The following ADCY8 variants were observed in gnomAD, a reference collection of about 807,000 sequenced individuals.
ADCY8 encodes the protein adenylate cyclase 8, also known as adenylate cyclase type 8.
Under a neutral mutation model 119.7 loss-of-function variants are expected in ADCY8, and 51 were observed. The observed-to-expected ratio is 0.43, with a 90% CI of 0.34 to 0.54. The LOEUF (loss-of-function observed/expected upper bound fraction) is 0.54, where lower values mean the gene tolerates loss of function less well. Among genes scored for constraint, ADCY8 ranks in the 20% least tolerant of loss-of-function variants. The pLI, the probability that ADCY8 is intolerant of heterozygous loss-of-function variation, is 0.03. For synonymous variants in ADCY8, 665 were observed against 651.0 expected, an observed-to-expected ratio of 1.02 and a Z score of -0.33; for missense variants, 1,383 against 1,598.8, an observed-to-expected ratio of 0.87 and a Z score of 2.30.
intron 5 of ADCY8, among the ~76,000 whole-genome samples, chr8:130,922,538 A>G (rs1820344266): frequency 6.6e-6 from 1 of 152,064 alleles, no homozygotes; most frequent in South Asian, 2.1e-4. Context: ...AAGGTCACAG[A>G]TCAACAGGAT....
chr8:130,864,548 C>T (rs1248507652), intron 9 of ADCY8, among the ~76,000 whole-genome samples: 1 of 152,168 alleles, frequency 6.6e-6, no homozygotes, highest in African/African-American at 2.4e-5. Context: ...TGCCCAACCC[C>T]CATTCACTTT....
chr8:130,993,859 A>C (rs1298514445), intron 1 of ADCY8, among the ~76,000 whole-genome samples: 2 of 152,250 alleles, frequency 1.3e-5, no homozygotes, highest in African/African-American at 2.4e-5. Flanking sequence ...ATTAGATAGT[A>C]GAAATTCTTT....
chr8:130,991,314 C>T (rs575125291), intron 1 of ADCY8, among the ~76,000 whole-genome samples: 1 of 152,188 alleles, frequency 6.6e-6, no homozygotes, highest in Non-Finnish European at 1.5e-5. Context: ...GTAGCTATAA[C>T]TCCAGTAGAA....
intron 14 of ADCY8, among the ~76,000 whole-genome samples, chr8:130,805,938 G>A (rs1054860809): frequency 2.0e-5 from 3 of 152,182 alleles, no homozygotes; most frequent in Non-Finnish European, 2.9e-5. Context: ...TTTAGCACCC[G>A]GGCCCCACAA....
intron 1 of ADCY8, 120 bp downstream of exon 1, chr8:131,039,254 T>C (rs1824268599): frequency 7.2e-7 from 1 of 1,389,750 alleles, no homozygotes; most frequent in South Asian, 1.4e-5. Context: ...TACAAGGCAC[T>C]GTGCCAGACT....
At position 130,972,111 on chromosome 8, in the gene ADCY8, CT is replaced by C. The variant is rs557287593; in HGVS notation, c.1110+18281del. 7.3e-4 allele frequency among the ~76,000 whole-genome samples: 111 copies of C among 152,278 alleles called. 3 individuals carry two copies. In the South Asian group the frequency reaches 0.019, roughly 26 times the overall value. ...CTTGTGTCCTCATACAATCACCACT[CT>C]TACAAGGAGGAGGGAATACATTATT... On this transcript the variant is annotated intron_variant, in intron 2 of 17. Transcript: ENST00000286355.
rs1363304398 is a variant in ADCY8 at position 131,039,643 on chromosome 8, C to G, written c.691G>C (p.Val231Leu). The G allele has an allele frequency of 1.8e-5, 29 of 1,614,136 alleles. No individual in the cohort carries two copies. The highest frequency in any genetic ancestry group is 2.5e-5 in the Non-Finnish European group (29 of 1,180,016). ...GIEVVICALV[V>L]VRKDTTSHTY... ...TGGGAGGTGGTGTCCTTCCTGACCA[C>G]CACCAGGGCGCAGATCACTACCTCA... Residue 231 changes from valine to leucine, a missense_variant, in exon 1 of 18, where the codon GTG becomes CTG. Physicochemically the swap from Val to Leu is conservative, Grantham distance 32. Around this residue, in one of 2 missense-constraint regions of ADCY8, gnomAD observed 455 missense variants for 435.3 expected, o/e 1.05. Coordinates refer to ENST00000286355, the MANE Select transcript of ADCY8 (RefSeq NM_001115.3).
chr8:130,957,345 G>C (rs980745971), intron 2 of ADCY8, among the ~76,000 whole-genome samples: 1 of 152,202 alleles, frequency 6.6e-6, no homozygotes, highest in African/African-American at 2.4e-5. Context: ...TGAGAGAAAT[G>C]ATTTAGGGTA....
intron 6 of ADCY8, among the ~76,000 whole-genome samples, chr8:130,908,445 A>C (rs1819860392): frequency 6.6e-6 from 1 of 152,238 alleles, no homozygotes; most frequent in African/African-American, 2.4e-5. Context: ...CAGCCATGAC[A>C]CACCACATAG....
At chr8:130,913,004 C>T (rs1350587610) in intron 5 of ADCY8, among the ~76,000 whole-genome samples, 1 of 152,138 alleles carries the variant, frequency 6.6e-6, no homozygotes, top group Non-Finnish European at 1.5e-5. Flanking sequence ...ATGCCCACTA[C>T]TATACTATTC....
chr8:130,848,885 G>A lies in ADCY8; in HGVS notation c.2412+717C>T, dbSNP rs796472118. ...CAAATTAAACAGTGATAAATATCAT[G>A]GCAGTTGGAAATTCATCTGAGTTCT... On this transcript the variant is annotated intron_variant, in intron 10 of 17. Transcript: ENST00000286355. Among the ~76,000 whole-genome samples the A allele has an allele frequency of 9.9e-5, 15 of 152,256 alleles. 1 individual carries two copies. Among genetic ancestry groups the A allele is most frequent in the African/African-American group, 3.4e-4 (14 of 41,538 alleles).
At chr8:131,027,553 A>G (rs577267049) in intron 1 of ADCY8, among the ~76,000 whole-genome samples, 1 of 152,256 alleles carries the variant, frequency 6.6e-6, no homozygotes, top group East Asian at 1.9e-4. Flanking sequence ...CAGGATAGAG[A>G]GCTGTGGACA....
chr8:130,854,322 C>T (rs1415716574), intron 9 of ADCY8, among the ~76,000 whole-genome samples: 1 of 152,222 alleles, frequency 6.6e-6, no homozygotes, highest in African/African-American at 2.4e-5. Context: ...AAGCTCTATC[C>T]AAATCATTTC....
chr8:130,866,531 C>G lies in ADCY8; in HGVS notation c.2210+1315G>C, dbSNP rs188166753. Among the ~76,000 whole-genome samples, 612 of 152,268 alleles carry G rather than the reference C, an allele frequency of 4.0e-3. 2 individuals carry two copies. The highest frequency in any genetic ancestry group is 0.014 in the African/African-American group (585 of 41,540). On this transcript the variant is annotated intron_variant, in intron 9 of 17. Coordinates refer to ENST00000286355, the MANE Select transcript of ADCY8 (RefSeq NM_001115.3). ...TTGGCTCTTACATTTAATCACTATT[C>G]TATAAACACAAGGCCTTTCTCACTT...
chr8:131,008,486 A>G (rs1823195249), intron 1 of ADCY8, among the ~76,000 whole-genome samples: 1 of 152,130 alleles, frequency 6.6e-6, no homozygotes, highest in South Asian at 2.1e-4. Flanking sequence ...GAAGTGCCTT[A>G]CACTATAATT....
intron 1 of ADCY8, among the ~76,000 whole-genome samples, chr8:130,997,104 A>G (rs565678362): frequency 3.9e-5 from 6 of 152,196 alleles, no homozygotes; most frequent in South Asian, 2.1e-4. Flanking sequence ...GTAAAATTGC[A>G]TTTAAAATAC....
At chr8:130,935,164 C>T (rs1305936707) in intron 5 of ADCY8, among the ~76,000 whole-genome samples, 2 of 152,128 alleles carry the variant, frequency 1.3e-5, no homozygotes, top group Non-Finnish European at 2.9e-5. Context: ...TTGGAAATTC[C>T]TAGTCTCTTT....
chr8:130,864,980 A>G (rs975791647), intron 9 of ADCY8, among the ~76,000 whole-genome samples: 1 of 152,266 alleles, frequency 6.6e-6, no homozygotes, highest in Admixed American at 6.5e-5. Context: ...GTGAGGATTT[A>G]TATCACTCTG....
chr8:130,856,219 C>A (rs1181757584), intron 9 of ADCY8, among the ~76,000 whole-genome samples: 1 of 152,022 alleles, frequency 6.6e-6, no homozygotes, highest in African/African-American at 2.4e-5. Flanking sequence ...CAGCTTACAC[C>A]TTTCCTATCA....
Sources: allele counts gnomAD v4.1 joint callset (sites outside exome capture counted in the v4.1 genomes callset), GRCh38; gene constraint gnomAD v4.1.1; regional missense constraint gnomAD v4.1.1; transcripts MANE v1.5; gene names NCBI Gene and HGNC (gene_info 2026-07-23, HGNC 2026-07-21).